ADAMTS3: variants seen among roughly 807,000 people sequenced by gnomAD.
ADAMTS3 encodes the protein ADAM metallopeptidase with thrombospondin type 1 motif 3.
In ADAMTS3, 73 loss-of-function variants were observed where a neutral mutation model predicts 129.0. The observed-to-expected ratio is 0.57, with a 90% CI of 0.47 to 0.69. ADAMTS3 has a LOEUF of 0.69. ADAMTS3 is among the 30% of genes least tolerant of loss of function. The pLI is 0.00. For missense variants in ADAMTS3, 1,457 were observed against 1,514.5 expected (o/e 0.96, Z 0.63); for synonymous variants, 477 against 510.8 (o/e 0.93, Z 0.89).
chr4:72,333,623 T>C (rs965739166), intron 5 of ADAMTS3, among the ~76,000 whole-genome samples: 1 of 152,080 alleles, frequency 6.6e-6, no homozygotes, highest in African/African-American at 2.4e-5. Context: ...TACTTAATAC[T>C]GCATTTAAGC....
chr4:72,455,897 T>A (rs1293443512), intron 3 of ADAMTS3, among the ~76,000 whole-genome samples: 2 of 119,446 alleles, frequency 1.7e-5, no homozygotes, highest in East Asian at 4.6e-4. Context: ...ATTTTATATA[T>A]AGTATATACA....
chr4:72,498,593 C>A lies in ADAMTS3; in HGVS notation c.504+49885G>T, dbSNP rs190355000. Among the ~76,000 whole-genome samples the A allele has an allele frequency of 2.2e-3, 337 of 152,020 alleles. 2 individuals carry two copies. The highest frequency in any genetic ancestry group is 8.0e-3 in the African/African-American group (331 of 41,506). Reference sequence around the variant, plus strand: ...ACAAAAGCAAGAAAAACAGAACATTCTACCTCACCCTGAAATATTCAATAT... The same window carrying A: ...ACAAAAGCAAGAAAAACAGAACATTATACCTCACCCTGAAATATTCAATAT... On this transcript the variant is annotated intron_variant, in intron 3 of 21. Coordinates refer to ENST00000286657, the MANE Select transcript of ADAMTS3 (RefSeq NM_014243.3).
chr4:72,503,915 T>A (rs1720088578), intron 3 of ADAMTS3, among the ~76,000 whole-genome samples: 2 of 152,222 alleles, frequency 1.3e-5, no homozygotes, highest in Non-Finnish European at 2.9e-5. Flanking sequence ...TAAGAATACT[T>A]ATCCCTGCTC....
intron 3 of ADAMTS3, among the ~76,000 whole-genome samples, chr4:72,538,550 G>A (rs1039332666): frequency 2.0e-5 from 3 of 151,746 alleles, no homozygotes; most frequent in African/African-American, 4.8e-5. Flanking sequence ...TCAAAATTGA[G>A]GGAGAAGTTA....
Position 72,283,154 on chromosome 4 carries a change from T to C in ADAMTS3, c.3600A>G (p.Ser1200=), listed in dbSNP as rs750703799. ...KIIDNRRPTR[S]STLER ...CACTTTCTCATCTTTCTAAGGTGGA[T>C]GATCTTGTCGGACGTCTGTTGTCAA... Residue 1200 remains serine, a synonymous_variant, in exon 22 of 22, where the codon TCA becomes TCG. Transcript: ENST00000286657. 1.2e-6 allele frequency: 2 copies of C among 1,608,784 alleles called. No individual in the cohort carries two copies. The highest frequency in any genetic ancestry group is 1.3e-5 in the African/African-American group (1 of 74,824).
At chr4:72,567,978 G>A (rs923863629) in intron 1 of ADAMTS3, 1 of 153,258 alleles carries the variant, frequency 6.5e-6, no homozygotes, top group African/African-American at 2.4e-5. Flanking sequence ...AGCCTCCAAA[G>A]GGTTGGGGGC....
chr4:72,376,689 G>C (rs978049972), intron 4 of ADAMTS3, among the ~76,000 whole-genome samples: 2 of 152,146 alleles, frequency 1.3e-5, no homozygotes, highest in Non-Finnish European at 2.9e-5. Context: ...TGCTGATTGA[G>C]AACCTTTGTT....
chr4:72,377,094 T>C (rs1363664238), intron 4 of ADAMTS3, among the ~76,000 whole-genome samples: 1 of 152,184 alleles, frequency 6.6e-6, no homozygotes, highest in Non-Finnish European at 1.5e-5. Flanking sequence ...TATAGCTATG[T>C]CCAAGACACA....
intron 3 of ADAMTS3, among the ~76,000 whole-genome samples, chr4:72,523,507 C>T (rs180760191): frequency 2.7e-3 from 404 of 152,132 alleles, no homozygotes; most frequent in African/African-American, 9.1e-3. Flanking sequence ...ACACAGAAAA[C>T]TTATTGTCTG....
intron 16 of ADAMTS3, 59 bp downstream of exon 16, chr4:72,305,928 T>C: frequency 7.1e-7 from 1 of 1,404,250 alleles, no homozygotes; most frequent in African/African-American, 1.4e-5. Flanking sequence ...TTAGGATTTC[T>C]TTGACATTTC....
chr4:72,389,194 C>A (rs558757183), intron 4 of ADAMTS3, among the ~76,000 whole-genome samples: 13 of 152,264 alleles, frequency 8.5e-5, no homozygotes, highest in African/African-American at 3.1e-4. Flanking sequence ...GCAAGGAGGC[C>A]TTTCCGAGGA....
chr4:72,562,564 TAAACA>T (rs1403618486), intron 2 of ADAMTS3, among the ~76,000 whole-genome samples: 1 of 152,130 alleles, frequency 6.6e-6, no homozygotes, highest in African/African-American at 2.4e-5. Flanking sequence ...ACTAAAACAT[TAAACA>T]AAACAAAAAC....
At chr4:72,509,970 A>T (rs1720269758) in intron 3 of ADAMTS3, among the ~76,000 whole-genome samples, 2 of 152,102 alleles carry the variant, frequency 1.3e-5, no homozygotes, top group African/African-American at 4.8e-5. Context: ...TATGCAAATC[A>T]ATCAGCGTGA....
chr4:72,508,283 T>C (rs1200378050), intron 3 of ADAMTS3, among the ~76,000 whole-genome samples: 5 of 152,164 alleles, frequency 3.3e-5, no homozygotes, highest in African/African-American at 7.2e-5. Context: ...ATAGCAATAG[T>C]TCTTTAGAGG....
intron 4 of ADAMTS3, among the ~76,000 whole-genome samples, chr4:72,412,488 T>C (rs1007395488): frequency 2.6e-5 from 4 of 151,982 alleles, no homozygotes; most frequent in African/African-American, 9.7e-5. Flanking sequence ...ACCAAGAAGT[T>C]AAAGGAAGAA....
At chr4:72,559,321 G>A (rs1211448583) in intron 2 of ADAMTS3, among the ~76,000 whole-genome samples, 1 of 151,764 alleles carries the variant, frequency 6.6e-6, no homozygotes, top group Non-Finnish European at 1.5e-5. Context: ...TAAAAGAGTT[G>A]TATCTGGTAA....
At chr4:72,558,538 T>C (rs1188021655) in intron 2 of ADAMTS3, among the ~76,000 whole-genome samples, 3 of 151,734 alleles carry the variant, frequency 2.0e-5, no homozygotes. Flanking sequence ...CTCAATTCCA[T>C]CTGCAAACTT....
intron 3 of ADAMTS3, among the ~76,000 whole-genome samples, chr4:72,527,466 T>C (rs1720844757): frequency 6.6e-6 from 1 of 152,118 alleles, no homozygotes; most frequent in Non-Finnish European, 1.5e-5. Context: ...CATTGTTGCA[T>C]CCACAGCAAT....
At position 72,322,232 on chromosome 4, in the gene ADAMTS3, G is replaced by C. The variant is rs573224856; in HGVS notation, c.945+782C>G. ...CTCTATCATTATAAAATGATAAGTGGATGTTAACTGTATAATGAAATGCAA... is the reference window on the plus strand; with the variant it reads ...CTCTATCATTATAAAATGATAAGTGCATGTTAACTGTATAATGAAATGCAA... On this transcript the variant is annotated intron_variant, in intron 6 of 21. Transcript: ENST00000286657. 2.6e-5 allele frequency among the ~76,000 whole-genome samples: 4 copies of C among 152,244 alleles called. No homozygotes were observed. The South Asian group carries it at 6.2e-4, about 24-fold the overall frequency.
Sources: gnomAD v4.1 joint callset for allele counts (sites outside exome capture counted in the v4.1 genomes callset) on GRCh38, gnomAD v4.1.1 for gene constraint, MANE v1.5 for transcripts, NCBI Gene and HGNC (gene_info 2026-07-23, HGNC 2026-07-21) for gene names.